R3HDM2: variants seen among roughly 807,000 people sequenced by gnomAD.
The protein encoded by R3HDM2 is R3H domain-containing protein 2.
Under a neutral mutation model 124.5 loss-of-function variants are expected in R3HDM2, and 38 were observed. The ratio of observed to expected loss-of-function variants is 0.31; its 90% CI spans 0.24 to 0.40. The LOEUF (loss-of-function observed/expected upper bound fraction) is 0.40, where lower values mean the gene tolerates loss of function less well. Ranked by LOEUF, R3HDM2 falls within the 10% of genes least tolerant of loss-of-function variation. The probability of loss-of-function intolerance (pLI) is 1.00; values close to 1 mark genes in which losing one functional copy is unlikely to be tolerated. For synonymous variants in R3HDM2, 391 were observed against 448.0 expected (o/e 0.87, Z 1.61); for missense variants, 869 against 1,236.9 (o/e 0.70, Z 4.46).
intron 2 of R3HDM2, among the ~76,000 whole-genome samples, chr12:57,345,942 C>A (rs2060041899): frequency 6.6e-6 from 1 of 152,160 alleles, no homozygotes; most frequent in African/African-American, 2.4e-5. Context: ...GGCAGATCAC[C>A]TGAGATCAGG....
At chr12:57,276,384 T>C (rs2044745252) in intron 14 of R3HDM2, among the ~76,000 whole-genome samples, 1 of 152,034 alleles carries the variant, frequency 6.6e-6, no homozygotes, top group Non-Finnish European at 1.5e-5. Context: ...CAAATGCCCA[T>C]CAATCAATGA....
intron 11 of R3HDM2, 45 bp downstream of exon 11, chr12:57,292,527 A>G (rs1387452980): frequency 7.6e-7 from 1 of 1,313,526 alleles, no homozygotes; most frequent in South Asian, 1.3e-5. Context: ...CCAATGATTA[A>G]GAGCTAAAAG....
chr12:57,361,395 A>G (rs997428728), intron 2 of R3HDM2, among the ~76,000 whole-genome samples: 9 of 151,446 alleles, frequency 5.9e-5, no homozygotes, highest in Non-Finnish European at 1.2e-4. Flanking sequence ...AAAAAAAAAA[A>G]AAGGCATAAA....
chr12:57,307,784 C>G (rs1026001408), intron 3 of R3HDM2, among the ~76,000 whole-genome samples: 4 of 151,820 alleles, frequency 2.6e-5, no homozygotes, highest in African/African-American at 9.7e-5. Context: ...CGCCACATGC[C>G]CAGCTCAGAA....
intron 4 of R3HDM2, among the ~76,000 whole-genome samples, chr12:57,302,163 C>A (rs1460827733): frequency 6.6e-6 from 1 of 152,034 alleles, no homozygotes; most frequent in Non-Finnish European, 1.5e-5. Flanking sequence ...TGCCTGTAAG[C>A]CCAGCTGCTT....
At chr12:57,320,353 T>C (rs969436992) in intron 2 of R3HDM2, among the ~76,000 whole-genome samples, 1 of 146,488 alleles carries the variant, frequency 6.8e-6, no homozygotes, top group Non-Finnish European at 1.5e-5. Flanking sequence ...CCATTCTTAA[T>C]AGTTTATTTG....
chr12:57,357,703 T>C (rs557541573), intron 2 of R3HDM2, among the ~76,000 whole-genome samples: 1 of 151,750 alleles, frequency 6.6e-6, no homozygotes, highest in African/African-American at 2.4e-5. Context: ...TCTTTACAAT[T>C]TCCTCTCCTT....
intron 14 of R3HDM2, among the ~76,000 whole-genome samples, chr12:57,279,823 G>C (rs572844913): frequency 2.6e-5 from 4 of 151,964 alleles, no homozygotes; most frequent in Non-Finnish European, 5.9e-5. Flanking sequence ...AGAAGGAGAA[G>C]GATACAGCCC....
chr12:57,400,306 C>G (rs1349301724), intron 1 of R3HDM2, among the ~76,000 whole-genome samples: 1 of 152,022 alleles, frequency 6.6e-6, no homozygotes, highest in Non-Finnish European at 1.5e-5. Context: ...AGCTGGAAAC[C>G]ATCATTCTCA....
chr12:57,315,183 G>A (rs1399423046), intron 2 of R3HDM2, among the ~76,000 whole-genome samples: 3 of 151,932 alleles, frequency 2.0e-5, no homozygotes, highest in African/African-American at 4.8e-5. Context: ...CATTACATGC[G>A]CTCGCTTCCA....
chr12:57,269,550 A>C, intron 15 of R3HDM2, 101 bp from the exon 16 acceptor site: 1 of 1,503,208 alleles, frequency 6.7e-7, no homozygotes, highest in Non-Finnish European at 9.0e-7. Context: ...AGAAATATGT[A>C]AACGGAGATA....
intron 1 of R3HDM2, among the ~76,000 whole-genome samples, chr12:57,419,144 CTT>C (rs923524630): frequency 1.1e-4 from 15 of 139,228 alleles, no homozygotes; most frequent in Admixed American, 2.9e-4. Context: ...TTCTCCTTTC[CTT>C]TTTTTTTTTT....
At chr12:57,393,872 T>C (rs2067096293) in intron 2 of R3HDM2, among the ~76,000 whole-genome samples, 1 of 152,198 alleles carries the variant, frequency 6.6e-6, no homozygotes, top group Admixed American at 6.6e-5. Flanking sequence ...TCAGAAACCA[T>C]GGAAGCTAAA....
At position 57,348,709 on chromosome 12, in the gene R3HDM2, AAAAAAAAAAAAAGAG is replaced by A. The variant is rs1423589326; in HGVS notation, c.-35-38261_-35-38247del. On this transcript the variant is annotated intron_variant, in intron 2 of 23. Coordinates refer to ENST00000402412, the MANE Select transcript of R3HDM2 (RefSeq NM_001394031.1). ...ACTCCGTCTCAAAAAAAAAAAAAAA[AAAAAAAAAAAAAGAG>A]AGAGAAAAATTAGCCAGGCATGGTG... Among the ~76,000 whole-genome samples, 202 of 46,646 alleles carry A rather than the reference AAAAAAAAAAAAAGAG, an allele frequency of 4.3e-3. 9 individuals are homozygous for A. Among genetic ancestry groups the A allele is most frequent in the South Asian group, 0.011 (4 of 380 alleles). The allele number at this position is 46,646 out of a possible 152,430, so 30.6% of individuals were successfully genotyped here.
intron 14 of R3HDM2, among the ~76,000 whole-genome samples, chr12:57,277,776 T>G (rs2045194401): frequency 6.6e-6 from 1 of 152,114 alleles, no homozygotes; most frequent in Non-Finnish European, 1.5e-5. Context: ...AGGAAAAGCT[T>G]TAGAGTAAGC....
intron 2 of R3HDM2, among the ~76,000 whole-genome samples, chr12:57,348,693 CAAAAAAAAA>C (rs1168127324): frequency 2.8e-4 from 7 of 25,150 alleles, no homozygotes; most frequent in African/African-American, 1.2e-3. Flanking sequence ...GACTCCGTCT[CAAAAAAAAA>C]AAAAAAAAAA....
chr12:57,397,401 G>A (rs1225456162), intron 1 of R3HDM2, among the ~76,000 whole-genome samples: 1 of 152,172 alleles, frequency 6.6e-6, no homozygotes, highest in Non-Finnish European at 1.5e-5. Flanking sequence ...ATGCTAAAGT[G>A]AGAATATCCC....
chr12:57,285,167 A>C (rs2047043168), intron 12 of R3HDM2, among the ~76,000 whole-genome samples: 1 of 152,218 alleles, frequency 6.6e-6, no homozygotes, highest in Non-Finnish European at 1.5e-5. Context: ...AGCAAATAGG[A>C]AACCCCATTC....
At chr12:57,290,619 T>C (rs538368109) in intron 11 of R3HDM2, among the ~76,000 whole-genome samples, 3 of 152,320 alleles carry the variant, frequency 2.0e-5, no homozygotes, top group Non-Finnish European at 2.9e-5. Context: ...TTTTTTTATT[T>C]TTTTATTTTT....
Sources: gnomAD v4.1 joint callset for allele counts (sites outside exome capture counted in the v4.1 genomes callset) on GRCh38, gnomAD v4.1.1 for gene constraint, MANE v1.5 for transcripts, NCBI Gene and HGNC (gene_info 2026-07-23, HGNC 2026-07-21) for gene names.